PLCB1: variants seen among roughly 807,000 people sequenced by gnomAD.
PLCB1 encodes 1-phosphatidylinositol 4,5-bisphosphate phosphodiesterase beta-1.
PLCB1 carries 46 observed loss-of-function variants against 161.8 expected under a neutral mutation model. The observed-to-expected ratio is 0.28, with a 90% CI of 0.22 to 0.36. The LOEUF is 0.36. Ranked by LOEUF, PLCB1 falls within the 10% of genes least tolerant of loss-of-function variation. The pLI is 1.00. For synonymous variants in PLCB1, 517 were observed against 503.7 expected (o/e 1.03, Z -0.35); for missense variants, 1,016 against 1,472.5 (o/e 0.69, Z 5.07).
At chr20:8,815,082 T>C (rs963769412) in intron 31 of PLCB1, among the ~76,000 whole-genome samples, 2 of 152,252 alleles carry the variant, frequency 1.3e-5, no homozygotes, top group African/African-American at 4.8e-5. Context: ...CCTTCTCTAC[T>C]GTGCAGATGT....
At chr20:8,171,900 A>G (rs1208548114) in intron 2 of PLCB1, among the ~76,000 whole-genome samples, 1 of 152,130 alleles carries the variant, frequency 6.6e-6, no homozygotes, top group African/African-American at 2.4e-5. Flanking sequence ...TTAGTTTACA[A>G]TTTCTGAGGA....
chr20:8,870,608 G>C (rs1489941499), intron 31 of PLCB1, among the ~76,000 whole-genome samples: 2 of 152,152 alleles, frequency 1.3e-5, no homozygotes, highest in African/African-American at 4.8e-5. Context: ...ACTGTGCTTG[G>C]TAAATCACAT....
chr20:8,391,092 T>A (rs1198805595), intron 3 of PLCB1, among the ~76,000 whole-genome samples: 1 of 151,566 alleles, frequency 6.6e-6, no homozygotes, highest in East Asian at 1.9e-4. Context: ...TAAATAGGCA[T>A]AATTTACCTA....
chr20:8,574,576 A>G (rs1986616666), intron 3 of PLCB1, among the ~76,000 whole-genome samples: 1 of 152,212 alleles, frequency 6.6e-6, no homozygotes, highest in South Asian at 2.1e-4. Context: ...TTCCCAGGGA[A>G]CAGCATTAGA....
At chr20:8,590,665 T>C (rs1485722714) in intron 3 of PLCB1, among the ~76,000 whole-genome samples, 1 of 152,194 alleles carries the variant, frequency 6.6e-6, no homozygotes, top group Non-Finnish European at 1.5e-5. Flanking sequence ...TCCAGCTTCA[T>C]AGACCCCTTC....
intron 23 of PLCB1, chr20:8,751,490 T>C (rs376991512): frequency 3.9e-5 from 6 of 152,328 alleles, no homozygotes; most frequent in African/African-American, 1.2e-4. Context: ...AAAATGATCT[T>C]TTCAGTTACC....
chr20:8,808,266 G>A (rs1229791214), intron 31 of PLCB1, among the ~76,000 whole-genome samples: 2 of 152,288 alleles, frequency 1.3e-5, no homozygotes, highest in East Asian at 1.9e-4. Flanking sequence ...AGGTGCCCGC[G>A]AGATTCGTTT....
At position 8,862,008 on chromosome 20, in the gene PLCB1, T is replaced by G. The variant is rs1007919442; in HGVS notation, c.3424-19614T>G. 7.2e-5 allele frequency among the ~76,000 whole-genome samples: 11 copies of G among 152,178 alleles called. No homozygotes were observed. In the East Asian group the frequency reaches 2.1e-3, roughly 29 times the overall value. Reference sequence around the variant, plus strand: ...AATGCAGAAGACTTTTCTTTAAAATTGTATTTCCTTTAAAAATAGACTGGC... The same window carrying G: ...AATGCAGAAGACTTTTCTTTAAAATGGTATTTCCTTTAAAAATAGACTGGC... On this transcript the variant is annotated intron_variant, in intron 31 of 31. Transcript: ENST00000338037.
intron 2 of PLCB1, among the ~76,000 whole-genome samples, chr20:8,171,668 C>T (rs2051734254): frequency 6.6e-6 from 1 of 152,064 alleles, no homozygotes; most frequent in Non-Finnish European, 1.5e-5. Flanking sequence ...TGGATCAGTG[C>T]TTATGTTGGA....
At chr20:8,636,012 T>G (rs572352127) in intron 4 of PLCB1, among the ~76,000 whole-genome samples, 1 of 152,334 alleles carries the variant, frequency 6.6e-6, no homozygotes, top group East Asian at 1.9e-4. Flanking sequence ...CTCGTTTCTA[T>G]TTTGAATTTC....
At chr20:8,846,267 A>G (rs1270332471) in intron 31 of PLCB1, among the ~76,000 whole-genome samples, 5 of 150,878 alleles carry the variant, frequency 3.3e-5, no homozygotes, top group Non-Finnish European at 5.9e-5. Context: ...TATTATGAGA[A>G]CAGCAAGGGA....
At chr20:8,771,906 G>C (rs1417546148) in intron 26 of PLCB1, among the ~76,000 whole-genome samples, 4 of 27,876 alleles carry the variant, frequency 1.4e-4, no homozygotes, top group Non-Finnish European at 3.6e-4. Flanking sequence ...CCTTTCGACA[G>C]GGTCTTGCTC....
intron 3 of PLCB1, among the ~76,000 whole-genome samples, chr20:8,482,968 A>C (rs567283052): frequency 1.8e-4 from 28 of 152,084 alleles, no homozygotes; most frequent in African/African-American, 6.5e-4. Flanking sequence ...AGGTAAGGAA[A>C]TGATGGTGGG....
chr20:8,301,413 T>C (rs1287653769), intron 2 of PLCB1, among the ~76,000 whole-genome samples: 1 of 152,200 alleles, frequency 6.6e-6, no homozygotes, highest in East Asian at 1.9e-4. Context: ...ACTTTCTTTT[T>C]CTAGCAAATT....
chr20:8,557,863 A>C (rs1050184703), intron 3 of PLCB1, among the ~76,000 whole-genome samples: 2 of 151,974 alleles, frequency 1.3e-5, no homozygotes, highest in African/African-American at 4.8e-5. Flanking sequence ...TCTTGTTCTC[A>C]ACAAAAAATT....
chr20:8,184,293 C>A (rs942511098), intron 2 of PLCB1, among the ~76,000 whole-genome samples: 2 of 152,096 alleles, frequency 1.3e-5, no homozygotes, highest in Admixed American at 6.6e-5. Flanking sequence ...TGAATATAAT[C>A]TAAGTGGCTG....
At chr20:8,154,462 A>G (rs750212380) in intron 2 of PLCB1, among the ~76,000 whole-genome samples, 1 of 152,202 alleles carries the variant, frequency 6.6e-6, no homozygotes, top group Non-Finnish European at 1.5e-5. Context: ...AATATGGGTC[A>G]GGGATTCCCT....
chr20:8,868,447 G>A (rs139019401), intron 31 of PLCB1, among the ~76,000 whole-genome samples: 4 of 152,294 alleles, frequency 2.6e-5, no homozygotes, highest in Admixed American at 2.6e-4. Context: ...CGATTATTTT[G>A]TGAAAGCAAC....
intron 1 of PLCB1, among the ~76,000 whole-genome samples, chr20:8,135,117 A>C (rs2051332670): frequency 6.6e-6 from 1 of 152,184 alleles, no homozygotes; most frequent in South Asian, 2.1e-4. Flanking sequence ...TTAGTGAGAC[A>C]GTGTGTTGAA....
Sources: allele counts gnomAD v4.1 joint callset (sites outside exome capture counted in the v4.1 genomes callset), GRCh38; gene constraint gnomAD v4.1.1; transcripts MANE v1.5; gene names NCBI Gene and HGNC (gene_info 2026-07-23, HGNC 2026-07-21).